Variants in GPAT3 observed in about 807,000 individuals in gnomAD.
GPAT3 encodes the protein 1-AGP acyltransferase 9.
Under a neutral mutation model 58.8 loss-of-function variants are expected in GPAT3, and 53 were observed. The observed-to-expected ratio is 0.90, with a 90% CI of 0.72 to 1.13. GPAT3 has a LOEUF of 1.13. Among genes scored for constraint, GPAT3 ranks in the 50% most tolerant of loss-of-function variants. The probability of loss-of-function intolerance (pLI) is 0.00; values close to 1 mark genes in which losing one functional copy is unlikely to be tolerated. For synonymous variants in GPAT3, 197 were observed against 187.4 expected (o/e 1.05, Z -0.42); for missense variants, 511 against 527.6 (o/e 0.97, Z 0.31).
intron 3 of GPAT3, among the ~76,000 whole-genome samples, chr4:83,586,819 T>A (rs939626566): frequency 6.6e-6 from 1 of 152,238 alleles, no homozygotes. Context: ...ACAGTTAGAT[T>A]TGCATTAAAA....
At chr4:83,562,199 A>ATATATT (rs5859879) in intron 2 of GPAT3, among the ~76,000 whole-genome samples, 2 of 36,074 alleles carry the variant, frequency 5.5e-5, no homozygotes, top group African/African-American at 1.7e-4. Flanking sequence ...ATATATATAT[A>ATATATT]ATATATATAT....
At chr4:83,541,929 C>G (rs1020449511) in intron 1 of GPAT3, among the ~76,000 whole-genome samples, 2 of 152,142 alleles carry the variant, frequency 1.3e-5, no homozygotes, top group Non-Finnish European at 2.9e-5. Context: ...TCCAAGTTTC[C>G]TCTTCTTACA....
Position 83,594,125 on chromosome 4 carries a change from C to A in GPAT3, c.739-720C>A, listed in dbSNP as rs557511325. Among the ~76,000 whole-genome samples, 26 of 152,228 alleles carry A rather than the reference C, an allele frequency of 1.7e-4. No individual in the cohort carries two copies. The South Asian group carries it at 5.4e-3, about 32-fold the overall frequency. ...ACTGTATTTGTTCTTTTGTCTTTTTCATTTAACAATATCTCCTGGAAATTA... is the reference window on the plus strand; with the variant it reads ...ACTGTATTTGTTCTTTTGTCTTTTTAATTTAACAATATCTCCTGGAAATTA... On this transcript the variant is annotated intron_variant, in intron 6 of 11. Transcript: ENST00000264409.
intron 2 of GPAT3, among the ~76,000 whole-genome samples, chr4:83,578,152 T>G (rs575302198): frequency 6.6e-6 from 1 of 152,188 alleles, no homozygotes; most frequent in African/African-American, 2.4e-5. Context: ...CAGAACATGT[T>G]TTCAAATGTT....
chr4:83,571,126 TG>T (rs1429247053), intron 2 of GPAT3, among the ~76,000 whole-genome samples: 1 of 152,224 alleles, frequency 6.6e-6, no homozygotes, highest in African/African-American at 2.4e-5. Flanking sequence ...GATTTCTCCA[TG>T]TTGCATGAAT....
At position 83,588,258 on chromosome 4, in the gene GPAT3, C is replaced by A. The variant is rs761807092; in HGVS notation, c.603C>A (p.Ile201=). 6.2e-7 allele frequency: 1 copy of A among 1,613,976 alleles called. No individual in the cohort carries two copies. The highest frequency in any genetic ancestry group is 2.2e-5 in the East Asian group (1 of 44,874). ...TGGTCCATCTGACTTGCTGCCGGAT[C>A]TGTGTGCGAGCCCTCTCTGGTACCA... ...SELVHLTCCR[I]CVRALSGTIH... is the part of the protein sequence containing the mutation. The change falls in exon 5 of 12, where the codon ATC becomes ATA. Residue 201 remains isoleucine (I), a synonymous_variant. Coordinates refer to ENST00000264409, the MANE Select transcript of GPAT3 (RefSeq NM_032717.5).
intron 5 of GPAT3, among the ~76,000 whole-genome samples, chr4:83,589,109 T>A (rs1469128097): frequency 1.3e-5 from 2 of 152,162 alleles, no homozygotes; most frequent in South Asian, 4.1e-4. Flanking sequence ...ACTATGAGTT[T>A]TAAAGTGAAG....
chr4:83,594,053 C>G (rs1371071931), intron 6 of GPAT3, among the ~76,000 whole-genome samples: 1 of 152,132 alleles, frequency 6.6e-6, no homozygotes, highest in Non-Finnish European at 1.5e-5. Context: ...GAGATAAACA[C>G]ATGTATGCAT....
In GPAT3 at chr4:83,577,138, G is replaced by A. The variant is rs564967253; in HGVS notation, c.209-4424G>A. Reference sequence around the variant, plus strand: ...GCATCTAATCATGAAGAAACGTTAGGCAAATCCAAATTAAGAGCTACTCTA... The same window carrying A: ...GCATCTAATCATGAAGAAACGTTAGACAAATCCAAATTAAGAGCTACTCTA... On this transcript the variant is annotated intron_variant, in intron 2 of 11. Transcript: ENST00000264409. 2.0e-5 allele frequency among the ~76,000 whole-genome samples: 3 copies of A among 152,240 alleles called. No homozygotes were observed. In the South Asian group the frequency reaches 6.2e-4, roughly 32 times the overall value.
intron 11 of GPAT3, among the ~76,000 whole-genome samples, chr4:83,599,591 A>G (rs957258994): frequency 6.6e-6 from 1 of 152,194 alleles, no homozygotes; most frequent in Admixed American, 6.5e-5. Context: ...GCAAGGGGCT[A>G]CTTACAGGCT....
intron 2 of GPAT3, among the ~76,000 whole-genome samples, chr4:83,579,073 T>C (rs201216636): frequency 0.051 from 1,548 of 30,602 alleles, 152 homozygotes; most frequent in African/African-American, 0.071. Flanking sequence ...TTTCTTTCTT[T>C]CTTTCTTCCC....
chr4:83,583,602 G>C (rs1413699235), intron 3 of GPAT3, among the ~76,000 whole-genome samples: 1 of 141,944 alleles, frequency 7.0e-6, no homozygotes, highest in Non-Finnish European at 1.5e-5. Context: ...AGGAGGCAGA[G>C]GTTGCAGTGA....
chr4:83,546,311 G>A (rs1036567780), intron 2 of GPAT3, among the ~76,000 whole-genome samples: 2 of 150,824 alleles, frequency 1.3e-5, no homozygotes, highest in Non-Finnish European at 2.9e-5. Flanking sequence ...AGGACACAAA[G>A]TATTTCAATT....
At position 83,536,296 on chromosome 4, in the gene GPAT3, C is replaced by G; in HGVS notation, c.-327C>G. On this transcript the variant is annotated 5_prime_UTR_variant, in exon 1 of 12. Coordinates refer to ENST00000264409, the MANE Select transcript of GPAT3 (RefSeq NM_032717.5). ...TTCCTGGCTGCGCTCGCGCGCTCTG[C>G]CCGCGCCGCGGTGTGCCTCCGCTTA... 1.9e-6 allele frequency: 2 copies of G among 1,064,784 alleles called. No individual in the cohort carries two copies. Among genetic ancestry groups the G allele is most frequent in the African/African-American group, 3.3e-5 (2 of 60,082 alleles). 66.0% of individuals were successfully genotyped at this position (1,064,784 alleles called of 1,614,324 possible).
chr4:83,603,550 G>A (rs1389597758), intron 11 of GPAT3, among the ~76,000 whole-genome samples: 1 of 152,196 alleles, frequency 6.6e-6, no homozygotes, highest in African/African-American at 2.4e-5. Context: ...CAGCACTTTG[G>A]GAGGCTGAGG....
intron 2 of GPAT3, among the ~76,000 whole-genome samples, chr4:83,581,187 G>T (rs1290937153): frequency 6.1e-5 from 9 of 146,876 alleles, no homozygotes; most frequent in African/African-American, 2.3e-4. Flanking sequence ...TATGGTTTTT[G>T]TCAGGGAGAA....
intron 5 of GPAT3, among the ~76,000 whole-genome samples, chr4:83,588,640 G>A (rs1291604151): frequency 1.3e-5 from 2 of 152,100 alleles, no homozygotes; most frequent in African/African-American, 4.8e-5. Context: ...GTTGTTTAGG[G>A]TCACAGTGAA....
chr4:83,579,076 T>TCC lies in GPAT3; in HGVS notation c.209-2486_209-2485insCC, dbSNP rs1560621393. On this transcript the variant is annotated intron_variant, in intron 2 of 11. Coordinates refer to ENST00000264409, the MANE Select transcript of GPAT3 (RefSeq NM_032717.5). Reference sequence around the variant, plus strand: ...TTTCTTTCTTTCTTTCTTTCTTTCTTTCTTCCCTTCCTTCCTTCCTTCCTT... The same window carrying TCC: ...TTTCTTTCTTTCTTTCTTTCTTTCTTCCTCTTCCCTTCCTTCCTTCCTTCCTT... Among the ~76,000 whole-genome samples the TCC allele has an allele frequency of 7.9e-4, 24 of 30,292 alleles. 2 individuals are homozygous for TCC. The highest frequency in any genetic ancestry group is 1.9e-3 in the African/African-American group (18 of 9,310). The allele number at this position is 30,292 out of a possible 152,430, so 19.9% of individuals were successfully genotyped here.
At chr4:83,593,894 A>G (rs1726710913) in intron 6 of GPAT3, among the ~76,000 whole-genome samples, 1 of 152,152 alleles carries the variant, frequency 6.6e-6, no homozygotes, top group Non-Finnish European at 1.5e-5. Flanking sequence ...TTGAATATGT[A>G]GGGTATCAAT....
Sources: allele counts gnomAD v4.1 joint callset (sites outside exome capture counted in the v4.1 genomes callset), GRCh38; gene constraint gnomAD v4.1.1; transcripts MANE v1.5; gene names NCBI Gene and HGNC (gene_info 2026-07-23, HGNC 2026-07-21).